TMEM248: variants seen among roughly 807,000 people sequenced by gnomAD.
TMEM248 encodes transmembrane protein 248.
In TMEM248, 9 loss-of-function variants were observed where a neutral mutation model predicts 30.3. The ratio of observed to expected loss-of-function variants is 0.30; its 90% CI spans 0.18 to 0.52. The LOEUF (loss-of-function observed/expected upper bound fraction) is 0.52. TMEM248 is among the 20% of genes least tolerant of loss of function. The probability of loss-of-function intolerance (pLI) is 0.97; values close to 1 mark genes in which losing one functional copy is unlikely to be tolerated. For missense variants in TMEM248, 338 were observed against 403.3 expected (o/e 0.84, Z 1.39); for synonymous variants, 184 against 154.4 (o/e 1.19, Z -1.42).
intron 1 of TMEM248, among the ~76,000 whole-genome samples, chr7:66,924,642 TG>T (rs1398311184): frequency 3.3e-5 from 5 of 151,892 alleles, no homozygotes; most frequent in African/African-American, 1.2e-4. Flanking sequence ...TGACCTCAGG[TG>T]GTCCGCCCAC....
At chr7:66,932,713 A>G (rs1791699876) in intron 1 of TMEM248, among the ~76,000 whole-genome samples, 1 of 150,872 alleles carries the variant, frequency 6.6e-6, no homozygotes, top group South Asian at 2.1e-4. Context: ...ATGGGGTTTC[A>G]CCATGTTGCC....
Position 66,941,911 on chromosome 7 carries a change from A to G in TMEM248, c.46A>G (p.Ser16Gly). 9.9e-6 allele frequency: 16 copies of G among 1,614,190 alleles called. No individual in the cohort carries two copies. The highest frequency in any genetic ancestry group is 1.4e-5 in the Non-Finnish European group (16 of 1,180,022). ...PLENLKVYISSRPPLVVFMIS... is the reference protein window; with the variant it reads ...PLENLKVYISGRPPLVVFMIS... ...GGAGAACCTGAAGGTGTACATCAGC[A>G]GTCGGCCTCCCCTGGTGGTCTTCAT... Residue 16 changes from serine to glycine, a missense_variant, in exon 2 of 7, where the codon AGT becomes GGT. Physicochemically the swap from Ser to Gly is moderately conservative, Grantham distance 56. Transcript: ENST00000341567.
Position 66,956,705 on chromosome 7 carries a change from G to T in TMEM248, c.*1183G>T, listed in dbSNP as rs1792413704. 1.3e-5 allele frequency: 2 copies of T among 151,600 alleles called. No individual in the cohort carries two copies. The highest frequency in any genetic ancestry group is 6.6e-5 in the Admixed American group (1 of 15,218). 9.4% of individuals were successfully genotyped at this position (151,600 alleles called of 1,614,324 possible). On this transcript the variant is annotated 3_prime_UTR_variant, in exon 7 of 7. Transcript: ENST00000341567. ...TTCTTTTTCTTTTTTTTTGGAGGGGGGAGGCAGGGTCTTGCTCTGTCCCTC... is the reference window on the plus strand; with the variant it reads ...TTCTTTTTCTTTTTTTTTGGAGGGGTGAGGCAGGGTCTTGCTCTGTCCCTC...
chr7:66,938,232 TGTC>T (rs1791856030), intron 1 of TMEM248, among the ~76,000 whole-genome samples: 2 of 152,280 alleles, frequency 1.3e-5, no homozygotes, highest in Admixed American at 6.5e-5. Flanking sequence ...TTTGTGGTCT[TGTC>T]TTCTTTCTTT....
chr7:66,938,375 G>T (rs767956511), intron 1 of TMEM248, among the ~76,000 whole-genome samples: 15 of 152,124 alleles, frequency 9.9e-5, no homozygotes, highest in Non-Finnish European at 1.5e-4. Flanking sequence ...TTTGAAAATT[G>T]ATAGTGAGGG....
intron 1 of TMEM248, among the ~76,000 whole-genome samples, chr7:66,935,731 A>T (rs543481035): frequency 2.0e-5 from 3 of 151,764 alleles, no homozygotes; most frequent in Non-Finnish European, 2.9e-5. Context: ...TTTAGTAGAG[A>T]TGGAGTTTCA....
intron 5 of TMEM248, among the ~76,000 whole-genome samples, chr7:66,952,868 C>T (rs906652394): frequency 1.3e-5 from 2 of 152,094 alleles, no homozygotes; most frequent in Non-Finnish European, 2.9e-5. Context: ...AGTCTTGTGA[C>T]GAGGATGTGT....
At chr7:66,925,699 T>TTCTTTTC (rs1562935693) in intron 1 of TMEM248, among the ~76,000 whole-genome samples, 1 of 147,824 alleles carries the variant, frequency 6.8e-6, no homozygotes, top group South Asian at 2.2e-4. Flanking sequence ...TTTTTCTTTT[T>TTCTTTTC]TTTTTTTTTG....
chr7:66,921,590 AC>A (rs1454476349), intron 1 of TMEM248, 129 bp downstream of exon 1: 2 of 151,722 alleles, frequency 1.3e-5, no homozygotes, highest in Non-Finnish European at 2.9e-5. Context: ...CAGGGTGCAG[AC>A]CCCGCCCCAA....
In TMEM248 at chr7:66,953,207, T is replaced by C; in HGVS notation, c.781-19T>C. The C allele has an allele frequency of 6.2e-7, 1 of 1,612,934 alleles. No individual in the cohort carries two copies. Among genetic ancestry groups the C allele is most frequent in the Non-Finnish European group, 8.5e-7 (1 of 1,179,654 alleles). On this transcript the variant is annotated intron_variant, in intron 5 of 6. Transcript: ENST00000341567. ...ACTCAGAGCAGATGTTTCTGATTTT[T>C]TTTCTCTTCTTTATTTAGGATGACC...
rs1196498006 is a variant in TMEM248, at chr7:66,958,221, C to T, written c.*2699C>T. 5 of 152,830 alleles carry T rather than the reference C, an allele frequency of 3.3e-5. No individual in the cohort carries two copies. In the South Asian group the frequency reaches 6.2e-4, roughly 19 times the overall value. 9.5% of individuals were successfully genotyped at this position (152,830 alleles called of 1,614,324 possible). A position where few individuals can be genotyped will look rare whatever the true frequency, so the allele number is the denominator to read the frequency against. On this transcript the variant is annotated 3_prime_UTR_variant, in exon 7 of 7. Coordinates refer to ENST00000341567, the MANE Select transcript of TMEM248 (RefSeq NM_017994.5). ...GAAGGTCAGCAACTTACTCTTAAAACGATTGTTTCGGATCATATTGATCTC... is the reference window on the plus strand; with the variant it reads ...GAAGGTCAGCAACTTACTCTTAAAATGATTGTTTCGGATCATATTGATCTC...
chr7:66,938,578 G>A (rs941412794), intron 1 of TMEM248, among the ~76,000 whole-genome samples: 19 of 152,084 alleles, frequency 1.2e-4, no homozygotes, highest in African/African-American at 4.1e-4. Context: ...GTGTGATCTC[G>A]ACTTGCTGCA....
chr7:66,933,019 C>T (rs986741306), intron 1 of TMEM248, among the ~76,000 whole-genome samples: 2 of 151,860 alleles, frequency 1.3e-5, no homozygotes, highest in Non-Finnish European at 2.9e-5. Context: ...CCACCACACC[C>T]GGCTAATTTT....
At chr7:66,928,279 T>G (rs1791574929) in intron 1 of TMEM248, among the ~76,000 whole-genome samples, 1 of 152,114 alleles carries the variant, frequency 6.6e-6, no homozygotes, top group African/African-American at 2.4e-5. Flanking sequence ...TACTTGTGTC[T>G]TTGTTAAAAT....
chr7:66,926,904 C>A lies in TMEM248; in HGVS notation c.-19+5443C>A, dbSNP rs1015633414. 2.6e-5 allele frequency among the ~76,000 whole-genome samples: 4 copies of A among 152,112 alleles called. 1 individual carries two copies. Among genetic ancestry groups the A allele is most frequent in the Non-Finnish European group, 1.5e-5 (1 of 68,028 alleles). ...ACATGACACAGCCTTCGAAACACTG[C>A]CGTTTGGACTTTTGTGTTGTTTGGT... On this transcript the variant is annotated intron_variant, in intron 1 of 6. Transcript: ENST00000341567.
chr7:66,950,186 G>A (rs1057229097), intron 4 of TMEM248, among the ~76,000 whole-genome samples: 3 of 151,428 alleles, frequency 2.0e-5, no homozygotes, highest in African/African-American at 4.9e-5. Flanking sequence ...AGGTCACACC[G>A]GCCTGGGCAA....
chr7:66,955,471 T>C (rs372771400), intron 6 of TMEM248, 31 bp from the exon 7 acceptor site: 34 of 1,613,912 alleles, frequency 2.1e-5, no homozygotes, highest in Middle Eastern at 3.3e-4. Flanking sequence ...TTCCCTTTTT[T>C]GACTGGTTTC....
chr7:66,939,692 A>T (rs939736180), intron 1 of TMEM248, among the ~76,000 whole-genome samples: 18 of 152,256 alleles, frequency 1.2e-4, no homozygotes, highest in African/African-American at 4.1e-4. Context: ...GGGATGACAG[A>T]TAGTAAACAA....
At chr7:66,936,473 G>T (rs1189681530) in intron 1 of TMEM248, among the ~76,000 whole-genome samples, 1 of 151,880 alleles carries the variant, frequency 6.6e-6, no homozygotes, top group African/African-American at 2.4e-5. Context: ...TTTTGGAAGA[G>T]ATTTACAACA....
Sources: gnomAD v4.1 joint callset for allele counts (sites outside exome capture counted in the v4.1 genomes callset) on GRCh38, gnomAD v4.1.1 for gene constraint, MANE v1.5 for transcripts, NCBI Gene and HGNC (gene_info 2026-07-23, HGNC 2026-07-21) for gene names.